The following MDN1 variants were observed in gnomAD, a reference collection of about 807,000 sequenced individuals.
The protein encoded by MDN1 is midasin AAA ATPase 1.
A neutral mutation model predicts 669.2 loss-of-function variants in MDN1; 266 were observed. The observed-to-expected ratio is 0.40, with a 90% confidence interval of 0.36 to 0.44. The LOEUF (loss-of-function observed/expected upper bound fraction) is 0.44. MDN1 is among the 20% of genes least tolerant of loss of function. The probability of loss-of-function intolerance (pLI) is 1.00; values close to 1 mark genes in which losing one functional copy is unlikely to be tolerated. For synonymous variants in MDN1, 2,385 were observed against 2,457.1 expected, an observed-to-expected ratio of 0.97 and a Z score of 0.87; for missense variants, 5,940 against 6,754.0, an observed-to-expected ratio of 0.88 and a Z score of 4.22.
At chr6:89,771,024 C>T (rs902439794) in intron 15 of MDN1, among the ~76,000 whole-genome samples, 2 of 152,046 alleles carry the variant, frequency 1.3e-5, no homozygotes, top group African/African-American at 4.8e-5. Context: ...GCTCAAGGTG[C>T]CTTAGAGAGA....
intron 21 of MDN1, 78 bp from the exon 22 acceptor site, chr6:89,753,700 T>A: frequency 8.4e-7 from 1 of 1,197,548 alleles, no homozygotes; most frequent in Non-Finnish European, 1.2e-6. Flanking sequence ...GAACAAAATT[T>A]AACCTCTTGG....
Position 89,696,673 on chromosome 6 carries a change from TG to T in MDN1, c.9169-100del, listed in dbSNP as rs1170011918. 3 of 893,022 alleles carry T rather than the reference TG, an allele frequency of 3.4e-6. No individual in the cohort carries two copies. In the African/African-American group the frequency reaches 5.0e-5, roughly 15 times the overall value. The allele number at this position is 893,022 out of a possible 1,614,324, so 55.3% of individuals were successfully genotyped here. Reference sequence around the variant, plus strand: ...GAGGAAAGAAACAGACAGTTCAGGTTGCTTGGAACAGGTAAGCATCACTCAG... The same window carrying T: ...GAGGAAAGAAACAGACAGTTCAGGTTCTTGGAACAGGTAAGCATCACTCAG... On this transcript the variant is annotated intron_variant, in intron 59 of 101. Coordinates refer to ENST00000369393, the MANE Select transcript of MDN1 (RefSeq NM_014611.3).
chr6:89,784,948 T>C (rs1026378410), intron 9 of MDN1, 64 bp downstream of exon 9: 2 of 1,066,694 alleles, frequency 1.9e-6, no homozygotes, highest in Admixed American at 3.7e-5. Flanking sequence ...TATTATACTA[T>C]TTCCTATTTC....
In MDN1 at chr6:89,674,340, T is replaced by A; in HGVS notation, c.13011A>T (p.Pro4337=). ...CACAAAGTTGTCCCTTGCTAAGTTC[T>A]GGTCCTTCCAGGCAGGGGCCAGGAG... ...GQPPGPCLEG[P]ELSKGQLCGV... The change falls in exon 79 of 102, where the codon CCA becomes CCT. Residue 4337 remains proline, a synonymous_variant. Transcript: ENST00000369393. The A allele has an allele frequency of 6.2e-7, 1 of 1,614,270 alleles. No homozygotes were observed. Among genetic ancestry groups the A allele is most frequent in the Non-Finnish European group, 8.5e-7 (1 of 1,180,044 alleles).
chr6:89,652,217 G>C lies in MDN1; in HGVS notation c.15890C>G (p.Pro5297Arg), dbSNP rs1808924264. The change falls in exon 95 of 102, where the codon CCA becomes CGA. Residue 5297 changes from proline (P) to arginine (R), a missense_variant. Pro to Arg is a moderately radical substitution (Grantham distance 103). Coordinates refer to ENST00000369393, the MANE Select transcript of MDN1 (RefSeq NM_014611.3). Reference protein sequence around the residue: ...ELERQLEMWQPRESGNPEEEK... With the variant: ...ELERQLEMWQRRESGNPEEEK... ...CTCCTCTGGGTTTCCAGATTCACGTGGCTGCCACATTTCCAGCTGTCTCTC... is the reference window on the plus strand; with the variant it reads ...CTCCTCTGGGTTTCCAGATTCACGTCGCTGCCACATTTCCAGCTGTCTCTC... 1 of 1,614,038 alleles carries C rather than the reference G, an allele frequency of 6.2e-7. No individual in the cohort carries two copies. Among genetic ancestry groups the C allele is most frequent in the Non-Finnish European group, 8.5e-7 (1 of 1,179,986 alleles).
chr6:89,707,698 C>G (rs1414708282), intron 51 of MDN1, among the ~76,000 whole-genome samples: 2 of 152,100 alleles, frequency 1.3e-5, no homozygotes, highest in African/African-American at 2.4e-5. Flanking sequence ...GGCAGACTCC[C>G]AGGCCTTGGT....
At chr6:89,644,362 A>G (rs1808342241) in intron 101 of MDN1, among the ~76,000 whole-genome samples, 169 bp from the exon 102 acceptor site, 1 of 152,152 alleles carries the variant, frequency 6.6e-6, no homozygotes, top group Non-Finnish European at 1.5e-5. Flanking sequence ...CTCTACTAAG[A>G]AGGAGGTAGA....
intron 15 of MDN1, among the ~76,000 whole-genome samples, chr6:89,766,008 A>C (rs1181415184): frequency 1.3e-5 from 2 of 152,216 alleles, no homozygotes; most frequent in Non-Finnish European, 1.5e-5. Flanking sequence ...AGAAAACCTC[A>C]TTCAGGCCAG....
chr6:89,670,690 G>A (rs995231816), intron 83 of MDN1, among the ~76,000 whole-genome samples: 41 of 152,226 alleles, frequency 2.7e-4, no homozygotes, highest in African/African-American at 3.8e-4. Flanking sequence ...CAGTTTGGGG[G>A]AAAGGGTGGG....
Position 89,743,586 on chromosome 6 carries a change from G to A in MDN1, c.4307C>T (p.Pro1436Leu), listed in dbSNP as rs370104840. Residue 1436 changes from proline (P) to leucine (L), a missense_variant, in exon 30 of 102, where the codon CCA (proline) becomes CTA (leucine). Physicochemically the swap from Pro to Leu is moderately conservative, Grantham distance 98. Transcript: ENST00000369393. The part of the protein sequence containing the change: ...LGGLRPVRQK[P>L]NDKEEIDTSR... ...TGCTGCTGGACAAACCTTGTCGTTT[G>A]GCTTTTGTCTCACTGGCCGCAGGCC... 1.2e-6 allele frequency: 2 copies of A among 1,613,340 alleles called. No homozygotes were observed. Among genetic ancestry groups the A allele is most frequent in the African/African-American group, 2.7e-5 (2 of 74,888 alleles).
intron 62 of MDN1, 36 bp downstream of exon 62, chr6:89,694,038 T>C: frequency 6.5e-7 from 1 of 1,543,162 alleles, no homozygotes; most frequent in Non-Finnish European, 9.0e-7. Context: ...GGAGAGTCAA[T>C]AATCCCCAAA....
chr6:89,644,938 G>A (rs1048351212), intron 101 of MDN1, 77 bp downstream of exon 101: 2 of 1,444,648 alleles, frequency 1.4e-6, no homozygotes, highest in South Asian at 2.7e-5. Context: ...AGTGATCCAG[G>A]CCATATTTCA....
intron 75 of MDN1, among the ~76,000 whole-genome samples, chr6:89,678,048 T>C (rs938812327): frequency 1.3e-5 from 2 of 151,702 alleles, no homozygotes; most frequent in Non-Finnish European, 2.9e-5. Flanking sequence ...CTGAGGCGGG[T>C]GGATCACGAG....
At chr6:89,755,835 T>TTA (rs1198008436) in intron 20 of MDN1, among the ~76,000 whole-genome samples, 4 of 152,240 alleles carry the variant, frequency 2.6e-5, no homozygotes, top group Admixed American at 2.0e-4. Flanking sequence ...ACTACTCTAT[T>TTA]ATTTATTAGG....
chr6:89,727,072 T>A (rs916824871), intron 37 of MDN1, among the ~76,000 whole-genome samples: 3 of 152,042 alleles, frequency 2.0e-5, no homozygotes, highest in Admixed American at 1.3e-4. Flanking sequence ...CTATCAGACA[T>A]CTTGTTCAAA....
At chr6:89,756,211 G>T in intron 20 of MDN1, 66 bp downstream of exon 20, 2 of 701,650 alleles carry the variant, frequency 2.9e-6, no homozygotes, top group Non-Finnish European at 2.3e-6. Flanking sequence ...ATTTGTGTGT[G>T]TGCACGAGTA....
At chr6:89,688,450 G>T in intron 66 of MDN1, 123 bp downstream of exon 66, 1 of 863,356 alleles carries the variant, frequency 1.2e-6, no homozygotes, top group Non-Finnish European at 1.8e-6. Flanking sequence ...TTGAACTGCA[G>T]TTCTTTAAGC....
rs1413787312 is a variant in MDN1, at chr6:89,740,295, G to T, written c.4532C>A (p.Ala1511Asp). ...TGCTAGAATACGAAATTTTTTCCCA[G>T]CAGTCAACAGCTCTATTTCACTATC... ...DKDSEIELLTAGKKFRILATM... is the reference protein window; with the variant it reads ...DKDSEIELLTDGKKFRILATM... Residue 1511 changes from alanine to aspartate, a missense_variant, in exon 32 of 102, where the codon GCT becomes GAT. Physicochemically the swap from Ala to Asp is moderately radical, Grantham distance 126. Around this residue, in one of 5 missense-constraint regions of MDN1, gnomAD observed 2,292 missense variants for 2,638.3 expected, o/e 0.87. Transcript: ENST00000369393. 1.2e-6 allele frequency: 2 copies of T among 1,611,436 alleles called. No individual in the cohort carries two copies. Among genetic ancestry groups the T allele is most frequent in the South Asian group, 1.1e-5 (1 of 90,470 alleles).
chr6:89,805,034 C>CAAAAA (rs34538984), intron 1 of MDN1, among the ~76,000 whole-genome samples: 640 of 58,256 alleles, frequency 0.011, 20 homozygotes, highest in South Asian at 0.014. Context: ...GACTCCGTCT[C>CAAAAA]AAAAAAAAAA....
Sources: allele counts gnomAD v4.1 joint callset (sites outside exome capture counted in the v4.1 genomes callset), GRCh38; gene constraint gnomAD v4.1.1; regional missense constraint gnomAD v4.1.1; transcripts MANE v1.5; gene names NCBI Gene and HGNC (gene_info 2026-07-23, HGNC 2026-07-21).